Variants in ARFGAP3 observed in about 807,000 individuals in gnomAD.
ARFGAP3 encodes the protein ADP-ribosylation factor GTPase-activating protein 3.
In ARFGAP3, 72 loss-of-function variants were observed where a neutral mutation model predicts 75.0. The observed-to-expected ratio is 0.96, with a 90% CI of 0.79 to 1.17. The LOEUF (loss-of-function observed/expected upper bound fraction) is 1.17, where lower values mean the gene tolerates loss of function less well. Ranked by LOEUF, ARFGAP3 falls within the 50% of genes most tolerant of loss-of-function variation. The pLI, the probability that ARFGAP3 is intolerant of heterozygous loss-of-function variation, is 0.00. For synonymous variants in ARFGAP3, 221 were observed against 217.9 expected (o/e 1.01, Z -0.13); for missense variants, 620 against 626.6 (o/e 0.99, Z 0.11).
At chr22:42,819,784 A>T (rs986085918) in intron 9 of ARFGAP3, among the ~76,000 whole-genome samples, 15 of 152,204 alleles carry the variant, frequency 9.9e-5, no homozygotes, top group African/African-American at 3.6e-4. Flanking sequence ...CAGCCATTAA[A>T]CAAACTAACT....
chr22:42,846,982 T>TAC, intron 2 of ARFGAP3, among the ~76,000 whole-genome samples: 1 of 152,142 alleles, frequency 6.6e-6, no homozygotes, highest in Admixed American at 6.5e-5. Context: ...GGTTGGACTC[T>TAC]GTAGAGTCCA....
intron 11 of ARFGAP3, 99 bp downstream of exon 11, chr22:42,817,043 A>C (rs533840780): frequency 2.2e-6 from 2 of 892,362 alleles, no homozygotes; most frequent in African/African-American, 3.4e-5. Flanking sequence ...CAGTGAAGTA[A>C]ATTGATTTGT....
At chr22:42,827,212 T>A (rs1219241586) in intron 6 of ARFGAP3, 2 of 442,092 alleles carry the variant, frequency 4.5e-6, no homozygotes. Flanking sequence ...AATGGCTTTA[T>A]CAAATAAAAA....
intron 7 of ARFGAP3, among the ~76,000 whole-genome samples, chr22:42,825,398 G>A (rs1925993400): frequency 6.6e-6 from 1 of 152,158 alleles, no homozygotes; most frequent in Admixed American, 6.5e-5. Flanking sequence ...CCTCGGCCAG[G>A]CATGGTGGCT....
chr22:42,843,032 G>A (rs566981097), intron 2 of ARFGAP3, among the ~76,000 whole-genome samples: 2 of 152,110 alleles, frequency 1.3e-5, no homozygotes, highest in African/African-American at 4.8e-5. Flanking sequence ...GACATTCAGA[G>A]GTAAGGAACA....
intron 6 of ARFGAP3, among the ~76,000 whole-genome samples, chr22:42,829,714 T>C (rs777972508): frequency 2.0e-5 from 3 of 152,250 alleles, no homozygotes; most frequent in Non-Finnish European, 4.4e-5. Flanking sequence ...TCTATTTTTA[T>C]GTCATCAGAT....
In ARFGAP3 at chr22:42,833,054, G is replaced by A. The variant is rs561955757; in HGVS notation, c.477+1188C>T. On this transcript the variant is annotated intron_variant, in intron 5 of 15. Transcript: ENST00000263245. ...AAATAGTAAATATTGTCGCCTTTTA[G>A]GCTTTACTTTCCCTAGATCTAAGTG... is the stretch of plus-strand genomic sequence containing the variant. 3.1e-4 allele frequency among the ~76,000 whole-genome samples: 47 copies of A among 152,154 alleles called. 1 individual carries two copies. In the South Asian group the frequency reaches 3.3e-3, roughly 11 times the overall value.
chr22:42,840,957 C>T lies in ARFGAP3; in HGVS notation c.248G>A (p.Gly83Glu). The T allele has an allele frequency of 6.2e-7, 1 of 1,614,148 alleles. No individual in the cohort carries two copies. Among genetic ancestry groups the T allele is most frequent in the South Asian group, 1.1e-5 (1 of 91,070 alleles). ...WFQLRCMQVGGNASASSFFHQ... is the reference protein window; with the variant it reads ...WFQLRCMQVGENASASSFFHQ... ...AGATGAACTTACTGCACTAGCGTTTCCTCCGACTTGCATGCATCGCAACTG... is the reference window on the plus strand; with the variant it reads ...AGATGAACTTACTGCACTAGCGTTTTCTCCGACTTGCATGCATCGCAACTG... Residue 83 changes from glycine (G) to glutamate (E), a missense_variant, in exon 3 of 16, where the codon GGA becomes GAA. Coordinates refer to ENST00000263245, the MANE Select transcript of ARFGAP3 (RefSeq NM_014570.5).
In ARFGAP3 at chr22:42,809,067, C is replaced by T. The variant is rs774097619; in HGVS notation, c.1197-177G>A. On this transcript the variant is annotated intron_variant, in intron 12 of 15. Transcript: ENST00000263245. ...AAAAAGAATAAATACCCAAACGATA[C>T]AAAATTTGAAGGAATTTCTGTTTAA... is the stretch of plus-strand genomic sequence containing the variant. The T allele has an allele frequency of 2.0e-5, 9 of 456,718 alleles. No homozygotes were observed. In the East Asian group the frequency reaches 7.8e-4, roughly 40 times the overall value. 28.3% of individuals were successfully genotyped at this position (456,718 alleles called of 1,614,324 possible).
intron 12 of ARFGAP3, among the ~76,000 whole-genome samples, chr22:42,809,896 C>T (rs937218001): frequency 1.3e-5 from 2 of 150,340 alleles, no homozygotes; most frequent in Non-Finnish European, 3.0e-5. Flanking sequence ...CCCAGCTACT[C>T]GGGAGGCTGA....
intron 1 of ARFGAP3, among the ~76,000 whole-genome samples, chr22:42,851,530 C>T (rs753447982): frequency 5.3e-4 from 81 of 152,192 alleles, no homozygotes; most frequent in African/African-American, 1.7e-3. Context: ...TCACTAAATG[C>T]GAATGCACAT....
chr22:42,827,086 C>A, intron 6 of ARFGAP3, 87 bp from the exon 7 acceptor site: 1 of 1,457,492 alleles, frequency 6.9e-7, no homozygotes, highest in Non-Finnish European at 8.9e-7. Context: ...TTGCTCAGTG[C>A]TACATCTTAT....
chr22:42,850,388 A>G (rs1199909600), intron 1 of ARFGAP3, among the ~76,000 whole-genome samples: 1 of 152,024 alleles, frequency 6.6e-6, no homozygotes, highest in African/African-American at 2.4e-5. Flanking sequence ...CCTGGGCAAC[A>G]TGGCGAAACC....
chr22:42,856,012 G>GC (rs1379567025), intron 1 of ARFGAP3, among the ~76,000 whole-genome samples: 1 of 152,156 alleles, frequency 6.6e-6, no homozygotes, highest in African/African-American at 2.4e-5. Context: ...CTACACTTCA[G>GC]CCTGGGTGAC....
In ARFGAP3 at chr22:42,805,121, G is replaced by C. The variant is rs567247115; in HGVS notation, c.1411+1952C>G. Among the ~76,000 whole-genome samples the C allele has an allele frequency of 8.5e-5, 13 of 152,190 alleles. No individual in the cohort carries two copies. The East Asian group carries it at 2.3e-3, about 27-fold the overall frequency. ...GCGGGGGCAGGGGAGTGAGTTTCTGGGTGGCCTCTCACCCCAGGGTGCACC... is the reference window on the plus strand; with the variant it reads ...GCGGGGGCAGGGGAGTGAGTTTCTGCGTGGCCTCTCACCCCAGGGTGCACC... On this transcript the variant is annotated intron_variant, in intron 14 of 15. Coordinates refer to ENST00000263245, the MANE Select transcript of ARFGAP3 (RefSeq NM_014570.5).
chr22:42,830,332 T>C (rs1926230476), intron 6 of ARFGAP3, among the ~76,000 whole-genome samples: 1 of 152,076 alleles, frequency 6.6e-6, no homozygotes, highest in South Asian at 2.1e-4. Flanking sequence ...CACAGCTGAG[T>C]GCCTCTCTCT....
Position 42,834,331 on chromosome 22 carries a change from A to G in ARFGAP3, c.394-6T>C. ...ACACAACTATCAAGCCACAGCTAGA[A>G]CAAAAAAACAACACAGGGCTGAGCA... is the stretch of plus-strand genomic sequence containing the variant. On this transcript the variant is annotated splice_polypyrimidine_tract_variant and splice_region_variant and intron_variant, in intron 4 of 15. Coordinates refer to ENST00000263245, the MANE Select transcript of ARFGAP3 (RefSeq NM_014570.5). The G allele has an allele frequency of 3.1e-6, 5 of 1,613,342 alleles. No individual in the cohort carries two copies.
chr22:42,820,073 TCACTC>T (rs1317705166), intron 9 of ARFGAP3, among the ~76,000 whole-genome samples: 7 of 152,166 alleles, frequency 4.6e-5, no homozygotes, highest in Non-Finnish European at 8.8e-5. Context: ...CAACCAGACT[TCACTC>T]CATCCAGCTT....
chr22:42,800,654 C>T (rs975707573), intron 14 of ARFGAP3, among the ~76,000 whole-genome samples: 2 of 152,220 alleles, frequency 1.3e-5, no homozygotes, highest in Non-Finnish European at 2.9e-5. Flanking sequence ...TTCCCATGCC[C>T]ACCACAGATG....
Sources: gnomAD v4.1 joint callset for allele counts (sites outside exome capture counted in the v4.1 genomes callset) on GRCh38, gnomAD v4.1.1 for gene constraint, MANE v1.5 for transcripts, NCBI Gene and HGNC (gene_info 2026-07-23, HGNC 2026-07-21) for gene names.